ZNF536: variants seen among roughly 807,000 people sequenced by gnomAD.
ZNF536 encodes zinc finger protein 536.
In ZNF536, 13 loss-of-function variants were observed where a neutral mutation model predicts 84.5. The ratio of observed to expected loss-of-function variants is 0.15; its 90% CI spans 0.10 to 0.24. The LOEUF (loss-of-function observed/expected upper bound fraction) is 0.24. Ranked by LOEUF, ZNF536 falls within the 10% of genes least tolerant of loss-of-function variation. The pLI is 1.00. For synonymous variants in ZNF536, 811 were observed against 742.5 expected (o/e 1.09, Z -1.50); for missense variants, 1,536 against 1,747.5 (o/e 0.88, Z 2.16).
intron 1 of ZNF536, among the ~76,000 whole-genome samples, chr19:30,587,899 A>T (rs1179611027): frequency 6.6e-6 from 1 of 152,214 alleles, no homozygotes; most frequent in African/African-American, 2.4e-5. Context: ...GGTTAAGTTG[A>T]AGTTGCTTCT....
chr19:30,411,830 C>G (rs1386263275), intron 1 of ZNF536, among the ~76,000 whole-genome samples: 2 of 151,960 alleles, frequency 1.3e-5, no homozygotes, highest in African/African-American at 2.4e-5. Flanking sequence ...GATAGATGAT[C>G]TTATTGATAA....
At chr19:30,432,424 G>T (rs996403551) in intron 1 of ZNF536, among the ~76,000 whole-genome samples, 1 of 152,120 alleles carries the variant, frequency 6.6e-6, no homozygotes, top group African/African-American at 2.4e-5. Context: ...ATCACTTCCA[G>T]CCCGGGTCAA....
At position 30,621,105 on chromosome 19, in the gene ZNF536, G is replaced by T. The variant is rs1382355398; in HGVS notation, c.169+71591G>T. The stretch of plus-strand genomic sequence containing the variant: ...ATTTAGAATATCACGTTTGTCTTTA[G>T]GAAGTATTTTTAGTCAGATTTGAAG... On this transcript the variant is annotated intron_variant, in intron 1 of 1. Transcript: ENST00000592773. Among the ~76,000 whole-genome samples, 5 of 151,964 alleles carry T rather than the reference G, an allele frequency of 3.3e-5. No homozygotes were observed. The East Asian group carries it at 9.6e-4, about 29-fold the overall frequency.
At chr19:30,300,145 A>C (rs1210050143) in intron 2 of ZNF536, among the ~76,000 whole-genome samples, 1 of 152,098 alleles carries the variant, frequency 6.6e-6, no homozygotes, top group East Asian at 1.9e-4. Flanking sequence ...TACCCTCCTC[A>C]AGTTTTCTAA....
chr19:30,538,210 A>G (rs2045172832), intron 3 of ZNF536, among the ~76,000 whole-genome samples: 1 of 152,216 alleles, frequency 6.6e-6, no homozygotes. Flanking sequence ...TCTAAATGAC[A>G]TGGCCAGAGG....
intron 3 of ZNF536, among the ~76,000 whole-genome samples, chr19:30,536,855 T>C (rs2045103626): frequency 6.6e-6 from 1 of 152,200 alleles, no homozygotes. Context: ...TCTTTGCCCT[T>C]TGAACTTCTC....
chr19:30,360,736 C>T (rs534314487), intron 3 of ZNF536, among the ~76,000 whole-genome samples: 1 of 152,300 alleles, frequency 6.6e-6, no homozygotes, highest in East Asian at 1.9e-4. Flanking sequence ...TGGCTAAGCC[C>T]GCCTTGCACT....
At chr19:30,353,136 C>G (rs747126079) in intron 3 of ZNF536, among the ~76,000 whole-genome samples, 8 of 152,180 alleles carry the variant, frequency 5.3e-5, no homozygotes, top group Non-Finnish European at 8.8e-5. Flanking sequence ...ATAAAAGCCT[C>G]TATCAATTAG....
At chr19:30,485,662 CTCTTAACTTT>C (rs956244747) in intron 2 of ZNF536, among the ~76,000 whole-genome samples, 8 of 150,020 alleles carry the variant, frequency 5.3e-5, no homozygotes, top group African/African-American at 2.0e-4. Context: ...CGTGTAAAGG[CTCTTAACTTT>C]TCTTGAACTC....
At chr19:30,348,799 CTTTTTTTTTCT>C (rs2047831491) in intron 2 of ZNF536, among the ~76,000 whole-genome samples, 1 of 115,780 alleles carries the variant, frequency 8.6e-6, no homozygotes, top group Non-Finnish European at 2.0e-5. Flanking sequence ...CATCCATTTT[CTTTTTTTTTCT>C]TTTCTTTTTT....
At chr19:30,235,842 AG>A (rs1330533058) in intron 1 of ZNF536, among the ~76,000 whole-genome samples, 1 of 152,246 alleles carries the variant, frequency 6.6e-6, no homozygotes, top group African/African-American at 2.4e-5. Flanking sequence ...TTCCCCGGCC[AG>A]GGCCCCCAGT....
intron 1 of ZNF536, among the ~76,000 whole-genome samples, chr19:30,635,855 C>T (rs538363436): frequency 6.6e-4 from 100 of 152,352 alleles, no homozygotes; most frequent in African/African-American, 2.3e-3. Context: ...GCGGAGAGCG[C>T]TTACCTCCTC....
upstream of ZNF536, among the ~76,000 whole-genome samples, chr19:30,371,344 C>G (rs1403932051): frequency 3.9e-5 from 6 of 152,184 alleles, no homozygotes; most frequent in Non-Finnish European, 7.3e-5. Context: ...TGCAGCCGCT[C>G]TCATCACTCC....
At chr19:30,675,237 C>T (rs1219333284) in intron 1 of ZNF536, among the ~76,000 whole-genome samples, 1 of 152,180 alleles carries the variant, frequency 6.6e-6, no homozygotes, top group Non-Finnish European at 1.5e-5. Context: ...GAAGTAGCAA[C>T]CACTCGTCTC....
intron 1 of ZNF536, among the ~76,000 whole-genome samples, chr19:30,621,286 C>T (rs924978656): frequency 1.1e-4 from 16 of 152,002 alleles, no homozygotes; most frequent in Non-Finnish European, 2.1e-4. Flanking sequence ...AGAGGTGTCT[C>T]TCATAGATCA....
At position 30,658,445 on chromosome 19, in the gene ZNF536, G is replaced by A. The variant is rs374054658; in HGVS notation, c.170-52312G>A. On this transcript the variant is annotated intron_variant, in intron 1 of 1. Coordinates refer to the ZNF536 transcript ENST00000592773. ...GCTCCAACCCACAGATCTTCTCTCC[G>A]ATCTTTAAATCGGTATCCCAGCTCT... 2.0e-4 allele frequency among the ~76,000 whole-genome samples: 31 copies of A among 152,144 alleles called. No individual in the cohort carries two copies. In the East Asian group the frequency reaches 4.8e-3, roughly 24 times the overall value.
chr19:30,445,357 G>C lies in ZNF536; in HGVS notation c.1795G>C (p.Asp599His), dbSNP rs748156582. The C allele has an allele frequency of 6.2e-7, 1 of 1,614,138 alleles. No individual in the cohort carries two copies. Among genetic ancestry groups the C allele is most frequent in the Non-Finnish European group, 8.5e-7 (1 of 1,180,038 alleles). ...GSQRDLPSKL[D>H]PLESSRDFLS... The stretch of plus-strand genomic sequence containing the variant: ...CCAGAGAGACCTGCCAAGTAAGCTC[G>C]ACCCTTTAGAAAGCAGTCGGGATTT... Residue 599 changes from aspartate to histidine, a missense_variant, in exon 2 of 5, where the codon GAC (aspartate) becomes CAC (histidine). Asp to His is a moderately conservative substitution (Grantham distance 81). Around this residue, in one of 8 missense-constraint regions of ZNF536, gnomAD observed 366 missense variants for 364.4 expected, o/e 1.00. Transcript: ENST00000355537. The surrounding 1 kb of genome is among the most constrained non-coding windows in gnomAD (Gnocchi z 4.5).
intron 2 of ZNF536, among the ~76,000 whole-genome samples, chr19:30,468,590 A>G (rs1187700923): frequency 1.3e-5 from 2 of 152,214 alleles, no homozygotes; most frequent in Admixed American, 1.3e-4. Flanking sequence ...ACTTGGTGGT[A>G]TGGACTCTGC....
intron 2 of ZNF536, among the ~76,000 whole-genome samples, chr19:30,452,180 G>A (rs897223066): frequency 1.3e-5 from 2 of 152,220 alleles, no homozygotes; most frequent in African/African-American, 4.8e-5. Flanking sequence ...TCAGGTAGCT[G>A]GGAAATGATG....
Sources: allele counts gnomAD v4.1 joint callset (sites outside exome capture counted in the v4.1 genomes callset), GRCh38; gene constraint gnomAD v4.1.1; regional missense constraint gnomAD v4.1.1; non-coding constraint Gnocchi (gnomAD v3.1); transcripts MANE v1.5; gene names NCBI Gene and HGNC (gene_info 2026-07-23, HGNC 2026-07-21).